Variants in VCAN observed in about 807,000 individuals in gnomAD.
The protein encoded by VCAN is versican, also known as versican core protein.
VCAN carries 44 observed loss-of-function variants against 245.5 expected under a neutral mutation model. The observed-to-expected ratio is 0.18, with a 90% CI of 0.14 to 0.23. VCAN has a LOEUF of 0.23. Among genes scored for constraint, VCAN ranks in the 10% least tolerant of loss-of-function variants. The probability of loss-of-function intolerance (pLI) is 1.00; values close to 1 mark genes in which losing one functional copy is unlikely to be tolerated. For missense variants in VCAN, 3,793 were observed against 4,057.9 expected (o/e 0.93, Z 1.77); for synonymous variants, 1,413 against 1,437.0 (o/e 0.98, Z 0.38).
At chr5:83,508,383 T>C in intron 5 of VCAN, among the ~76,000 whole-genome samples, 1 of 152,174 alleles carries the variant, frequency 6.6e-6, no homozygotes, top group East Asian at 1.9e-4. Context: ...TGTACAGATG[T>C]CCCTGCCTTA....
In VCAN at chr5:83,519,631, C is replaced by G. The variant is rs368696727; in HGVS notation, c.1325C>G (p.Ser442Cys). ...TGGGATATGGATGACTACTCACCTTCTGCTTCAGGACCTCTTGGAAAGCTA... is the reference window on the plus strand; with the variant it reads ...TGGGATATGGATGACTACTCACCTTGTGCTTCAGGACCTCTTGGAAAGCTA... ...KPWDMDDYSP[S>C]ASGPLGKLDI... Residue 442 changes from serine (S) to cysteine (C), a missense_variant, in exon 7 of 15, where the codon TCT becomes TGT. Around this residue, in one of 5 missense-constraint regions of VCAN, gnomAD observed 3,182 missense variants for 3,250.3 expected, o/e 0.98. Transcript: ENST00000265077. 11 of 1,614,050 alleles carry G rather than the reference C, an allele frequency of 6.8e-6. No individual in the cohort carries two copies. The highest frequency in any genetic ancestry group is 9.3e-6 in the Non-Finnish European group (11 of 1,180,008).
chr5:83,566,178 C>G (rs1051822984), intron 12 of VCAN, among the ~76,000 whole-genome samples: 1 of 151,994 alleles, frequency 6.6e-6, no homozygotes, highest in South Asian at 2.1e-4. Context: ...CCAGGCTGGT[C>G]TTGAACTCCC....
At chr5:83,486,347 G>A (rs1744791601) in intron 2 of VCAN, among the ~76,000 whole-genome samples, 1 of 152,166 alleles carries the variant, frequency 6.6e-6, no homozygotes, top group Non-Finnish European at 1.5e-5. Context: ...TTGACTAAAT[G>A]AGTGAATAAA....
intron 5 of VCAN, among the ~76,000 whole-genome samples, chr5:83,503,003 C>A (rs1194238382): frequency 6.6e-6 from 1 of 151,998 alleles, no homozygotes; most frequent in Non-Finnish European, 1.5e-5. Context: ...TGAAGATTGG[C>A]CTTTGTGCAG....
In VCAN at chr5:83,540,449, C is replaced by T; in HGVS notation, c.7446C>T (p.Phe2482=). 3 of 1,613,916 alleles carry T rather than the reference C, an allele frequency of 1.9e-6. No homozygotes were observed. Among genetic ancestry groups the T allele is most frequent in the Non-Finnish European group, 2.5e-6 (3 of 1,179,934 alleles). ...PSAKAVTADG[F]PTVSVMLPLH... ...CTAAAGCTGTTACTGCTGATGGATT[C>T]CCAACAGTTTCAGTGATGCTGCCTC... The change falls in exon 8 of 15, where the codon TTC becomes TTT. Residue 2482 remains phenylalanine, a synonymous_variant. Coordinates refer to ENST00000265077, the MANE Select transcript of VCAN (RefSeq NM_004385.5).
chr5:83,548,574 A>G (rs565544843), intron 10 of VCAN, among the ~76,000 whole-genome samples: 7 of 152,334 alleles, frequency 4.6e-5, no homozygotes, highest in Non-Finnish European at 8.8e-5. Flanking sequence ...TTTTCCTACT[A>G]AAGAAGGATT....
chr5:83,545,443 TAATATGGTAGC>T, intron 8 of VCAN, 83 bp from the exon 9 acceptor site: 1 of 945,508 alleles, frequency 1.1e-6, no homozygotes, highest in South Asian at 1.3e-5. Context: ...GTAAAGCCTA[TAATATGGTAGC>T]AATATGGGGC....
chr5:83,544,600 G>A (rs1305439749), intron 8 of VCAN, among the ~76,000 whole-genome samples: 1 of 151,972 alleles, frequency 6.6e-6, no homozygotes, highest in African/African-American at 2.4e-5. Flanking sequence ...CAATTATTTT[G>A]TAAAACTTTC....
chr5:83,514,615 G>A (rs755013098), intron 6 of VCAN, among the ~76,000 whole-genome samples: 7 of 151,800 alleles, frequency 4.6e-5, no homozygotes, highest in African/African-American at 7.2e-5. Context: ...ATGCGCCACC[G>A]TGCCCGGCTA....
intron 13 of VCAN, 67 bp from the exon 14 acceptor site, chr5:83,579,913 A>T: frequency 6.5e-7 from 1 of 1,536,894 alleles, no homozygotes; most frequent in Non-Finnish European, 9.0e-7. Flanking sequence ...AAGAGAGAAA[A>T]ATAAGAGACT....
chr5:83,512,404 T>A lies in VCAN; in HGVS notation c.1042+8T>A. On this transcript the variant is annotated splice_region_variant and intron_variant, in intron 6 of 14. Transcript: ENST00000265077. Reference sequence around the variant, plus strand: ...ATGCCTACTGCTTTAAACGTAAGTGTTTGATACCTTTTTAAAAATTACAGT... The same window carrying A: ...ATGCCTACTGCTTTAAACGTAAGTGATTGATACCTTTTTAAAAATTACAGT... The A allele has an allele frequency of 6.2e-7, 1 of 1,611,480 alleles. No homozygotes were observed. Among genetic ancestry groups the A allele is most frequent in the South Asian group, 1.1e-5 (1 of 90,800 alleles).
chr5:83,521,564 G>A lies in VCAN; in HGVS notation c.3258G>A (p.Arg1086=). The A allele has an allele frequency of 1.9e-6, 3 of 1,614,008 alleles. No homozygotes were observed. Among genetic ancestry groups the A allele is most frequent in the Non-Finnish European group, 2.5e-6 (3 of 1,180,014 alleles). The change falls in exon 7 of 15, where the codon AGG becomes AGA. Residue 1086 remains arginine, a synonymous_variant. Transcript: ENST00000265077. ...ATGAATTGTTGACAGGTTCTGAGAG[G>A]GTCCCAGTTTTAGAAACAACTCCAG... ...SEDELLTGSE[R]VPVLETTPVG...
At position 83,538,234 on chromosome 5, in the gene VCAN, C is replaced by G. The variant is rs561638583; in HGVS notation, c.5231C>G (p.Thr1744Arg). ...TASTFEVYSSTQRSDQLILPF... is the reference protein window; with the variant it reads ...TASTFEVYSSRQRSDQLILPF... The stretch of plus-strand genomic sequence containing the variant: ...TCTACATTTGAGGTATATTCATCTA[C>G]ACAGAGATCGGATCAATTAATTTTA... Residue 1744 changes from threonine (T) to arginine (R), a missense_variant, in exon 8 of 15, where the codon ACA becomes AGA. Physicochemically the swap from Thr to Arg is moderately conservative, Grantham distance 71 (BLOSUM62 -1). Coordinates refer to ENST00000265077, the MANE Select transcript of VCAN (RefSeq NM_004385.5). 6 of 1,613,852 alleles carry G rather than the reference C, an allele frequency of 3.7e-6. No individual in the cohort carries two copies. In the Admixed American group the frequency reaches 1.0e-4, roughly 27 times the overall value.
Position 83,580,015 on chromosome 5 carries a change from A to G in VCAN, c.9916A>G (p.Lys3306Glu), listed in dbSNP as rs1748612529. 3.1e-6 allele frequency: 5 copies of G among 1,614,012 alleles called. No individual in the cohort carries two copies. The South Asian group carries it at 5.5e-5, about 18-fold the overall frequency. ...CGQPPVVENAKTFGKMKPRYE... is the reference protein window; with the variant it reads ...CGQPPVVENAETFGKMKPRYE... ...CCAGCCCCCTGTTGTAGAAAATGCC[A>G]AGACCTTTGGAAAGATGAAACCTCG... is the stretch of plus-strand genomic sequence containing the variant. The change falls in exon 14 of 15, where the codon AAG (lysine) becomes GAG (glutamate). Residue 3306 changes from lysine to glutamate, a missense_variant. This residue lies in a region of VCAN where 205 missense variants were observed against 321.1 expected (regional missense o/e 0.64). Coordinates refer to ENST00000265077, the MANE Select transcript of VCAN (RefSeq NM_004385.5).
intron 12 of VCAN, among the ~76,000 whole-genome samples, chr5:83,570,801 G>A (rs1006007370): frequency 3.4e-5 from 5 of 147,336 alleles, no homozygotes; most frequent in African/African-American, 1.3e-4. Context: ...GGAGTAAGTA[G>A]GTAGTAGAGT....
rs757685339 is a variant in VCAN at position 83,519,393 on chromosome 5, G to T, written c.1087G>T (p.Ala363Ser). 25 of 1,614,052 alleles carry T rather than the reference G, an allele frequency of 1.5e-5. No homozygotes were observed. The highest frequency in any genetic ancestry group is 6.7e-5 in the East Asian group (3 of 44,882). ...TIDLSILAET[A>S]SPSLSKEPQM... ...CGATTTGAGTATCCTCGCAGAAACT[G>T]CATCACCCAGTTTATCCAAAGAACC... The change falls in exon 7 of 15, where the codon GCA becomes TCA. Residue 363 changes from alanine (A) to serine (S), a missense_variant. By Grantham distance (99) the Ala-to-Ser change is moderately conservative. This residue lies in a region of VCAN where 3,182 missense variants were observed against 3,250.3 expected (regional missense o/e 0.98). Coordinates refer to ENST00000265077, the MANE Select transcript of VCAN (RefSeq NM_004385.5).
At chr5:83,490,497 A>C in intron 3 of VCAN, 25 bp downstream of exon 3, 1 of 1,612,876 alleles carries the variant, frequency 6.2e-7, no homozygotes, top group Non-Finnish European at 8.5e-7. Flanking sequence ...ATCTGCAAGA[A>C]GGTAGTATAA....
At chr5:83,516,552 C>T (rs1745864401) in intron 6 of VCAN, among the ~76,000 whole-genome samples, 1 of 152,136 alleles carries the variant, frequency 6.6e-6, no homozygotes, top group South Asian at 2.1e-4. Flanking sequence ...GACAAAAATG[C>T]CATAAGTACA....
intron 12 of VCAN, among the ~76,000 whole-genome samples, chr5:83,559,265 T>G (rs1747776018): frequency 6.6e-6 from 1 of 152,208 alleles, no homozygotes. Flanking sequence ...GTTAAATGAA[T>G]GACTAGTCAG....
Sources: gnomAD v4.1 joint callset for allele counts (sites outside exome capture counted in the v4.1 genomes callset) on GRCh38, gnomAD v4.1.1 for gene constraint, gnomAD v4.1.1 regional missense constraint, MANE v1.5 for transcripts, NCBI Gene and HGNC (gene_info 2026-07-23, HGNC 2026-07-21) for gene names.